CAST: variants seen among roughly 807,000 people sequenced by gnomAD.
CAST encodes the protein calpastatin.
CAST carries 76 observed loss-of-function variants against 119.6 expected under a neutral mutation model. The ratio of observed to expected loss-of-function variants is 0.64; its 90% confidence interval spans 0.53 to 0.77. The LOEUF (loss-of-function observed/expected upper bound fraction) is 0.77, where lower values mean the gene tolerates loss of function less well. CAST is among the 30% of genes least tolerant of loss of function. CAST has a pLI of 0.00. For synonymous variants in CAST, 319 were observed against 331.6 expected, an observed-to-expected ratio of 0.96 and a Z score of 0.41; for missense variants, 953 against 946.5, an observed-to-expected ratio of 1.01 and a Z score of -0.09.
chr5:96,400,126 C>T, the CAST span: 10 of 1,614,020 alleles, frequency 6.2e-6, no homozygotes, highest in East Asian at 4.5e-5. Context: ...TATTGGCCAG[C>T]GGGTCATACT....
chr5:96,199,606 A>G, the CAST span, among the ~76,000 whole-genome samples: 4 of 152,216 alleles, frequency 2.6e-5, no homozygotes, highest in Admixed American at 6.5e-5. Flanking sequence ...TTAAGGCCAC[A>G]TATTACACAA....
At position 96,750,695 on chromosome 5, in the gene CAST, C is replaced by T. The variant is rs1454747408; in HGVS notation, c.1524+13C>T. 6.4e-7 allele frequency: 1 copy of T among 1,574,524 alleles called. No homozygotes were observed. Among genetic ancestry groups the T allele is most frequent in the South Asian group, 1.1e-5 (1 of 90,242 alleles). ...GCCGGCTACCTTGGTGAGTGACTCC[C>T]TGGGCATTTGAGCAGTGGCTTGAGA... On this transcript the variant is annotated intron_variant, in intron 20 of 31. Coordinates refer to ENST00000675179, the MANE Select transcript of CAST (RefSeq NM_001750.7).
chr5:96,117,124 T>C, the CAST span, among the ~76,000 whole-genome samples: 1 of 152,238 alleles, frequency 6.6e-6, no homozygotes, highest in Non-Finnish European at 1.5e-5. Context: ...CTTGTGTCTT[T>C]AGAGAGCAAA....
At chr5:96,060,059 G>T in the CAST span, among the ~76,000 whole-genome samples, 1 of 152,096 alleles carries the variant, frequency 6.6e-6, no homozygotes, top group Admixed American at 6.6e-5. Flanking sequence ...GTCAGATGTG[G>T]TATCTTTGCT....
the CAST span, among the ~76,000 whole-genome samples, chr5:96,239,688 C>T: frequency 3.3e-5 from 5 of 151,944 alleles, no homozygotes; most frequent in Non-Finnish European, 7.4e-5. Flanking sequence ...CTGGTATTAT[C>T]TGGAATATGA....
intron 17 of CAST, 77 bp downstream of exon 17, chr5:96,746,502 T>A: frequency 6.9e-6 from 6 of 865,000 alleles, no homozygotes; most frequent in Non-Finnish European, 1.2e-5. Flanking sequence ...ACCCTTGACA[T>A]TGTCAAAGGA....
chr5:96,362,804 A>T, the CAST span, among the ~76,000 whole-genome samples: 1 of 152,116 alleles, frequency 6.6e-6, no homozygotes, highest in South Asian at 2.1e-4. Context: ...CTCTGATGGT[A>T]GTTTCTTTTG....
At chr5:96,551,603 A>C (rs1746127283) in intron 1 of CAST, among the ~76,000 whole-genome samples, 1 of 152,186 alleles carries the variant, frequency 6.6e-6, no homozygotes, top group South Asian at 2.1e-4. Context: ...TAAATGCTCC[A>C]ATTAAGAGAC....
chr5:96,434,890 G>A, the CAST span, among the ~76,000 whole-genome samples: 2 of 152,182 alleles, frequency 1.3e-5, no homozygotes, highest in East Asian at 3.8e-4. Context: ...AAATGCCAAT[G>A]TTAATAAGCC....
chr5:96,455,971 A>G, the CAST span, among the ~76,000 whole-genome samples: 1 of 152,174 alleles, frequency 6.6e-6, no homozygotes, highest in African/African-American at 2.4e-5. Flanking sequence ...TGTTGCTGAA[A>G]CAGCAGACAA....
At chr5:96,580,572 G>A (rs1205348427) in intron 1 of CAST, among the ~76,000 whole-genome samples, 1 of 152,150 alleles carries the variant, frequency 6.6e-6, no homozygotes, top group African/African-American at 2.4e-5. Flanking sequence ...TTCTGATTTA[G>A]CATATCTGGA....
At chr5:96,212,949 C>T in the CAST span, among the ~76,000 whole-genome samples, 29,764 of 151,806 alleles carry the variant, frequency 0.2, 3,676 homozygotes, top group Non-Finnish European at 0.26. Flanking sequence ...AATATCCCAT[C>T]TCTACAAAAA....
At chr5:96,272,888 T>C in the CAST span, among the ~76,000 whole-genome samples, 1 of 152,014 alleles carries the variant, frequency 6.6e-6, no homozygotes, top group Non-Finnish European at 1.5e-5. Flanking sequence ...TATATATCAA[T>C]AAAAAAATAA....
chr5:96,225,811 C>T, the CAST span, among the ~76,000 whole-genome samples: 1 of 152,166 alleles, frequency 6.6e-6, no homozygotes, highest in Non-Finnish European at 1.5e-5. Flanking sequence ...ATAAACCAAA[C>T]ACTTTATTCT....
the CAST span, among the ~76,000 whole-genome samples, chr5:96,077,455 G>T: frequency 1.3e-5 from 2 of 151,964 alleles, no homozygotes; most frequent in African/African-American, 2.4e-5. Context: ...GGATTTTATT[G>T]TTTTTGCTAG....
At chr5:96,621,949 C>A in intron 1 of CAST, among the ~76,000 whole-genome samples, 1 of 138,690 alleles carries the variant, frequency 7.2e-6, no homozygotes, top group Non-Finnish European at 1.5e-5. Context: ...AGTTAGCATT[C>A]TTTTTTTTTC....
At chr5:96,483,705 G>T in the CAST span, among the ~76,000 whole-genome samples, 3 of 151,964 alleles carry the variant, frequency 2.0e-5, no homozygotes, top group African/African-American at 7.3e-5. Flanking sequence ...TTTGTTGATT[G>T]ATTATTAAAA....
chr5:96,743,767 G>A (rs1209332258), intron 16 of CAST: 8 of 1,440,048 alleles, frequency 5.6e-6, no homozygotes, highest in Admixed American at 1.9e-5. Flanking sequence ...GGGAAGAAGG[G>A]AAACTTGATT....
At chr5:96,394,503 G>A in the CAST span, among the ~76,000 whole-genome samples, 1 of 152,146 alleles carries the variant, frequency 6.6e-6, no homozygotes, top group Non-Finnish European at 1.5e-5. Context: ...AGGGATTATA[G>A]GTTAATGAGA....
Sources: allele counts gnomAD v4.1 joint callset (sites outside exome capture counted in the v4.1 genomes callset), GRCh38; gene constraint gnomAD v4.1.1; transcripts MANE v1.5; gene names NCBI Gene and HGNC (gene_info 2026-07-23, HGNC 2026-07-21).